The following PAG1 variants were observed in gnomAD, a reference collection of about 807,000 sequenced individuals.
PAG1 encodes phosphoprotein membrane anchor with glycosphingolipid microdomains 1.
A neutral mutation model predicts 31.7 loss-of-function variants in PAG1; 23 were observed. The observed-to-expected ratio is 0.73, with a 90% CI of 0.52 to 1.03. The LOEUF is 1.03. PAG1 is among the 50% of genes least tolerant of loss of function. The pLI, the probability that PAG1 is intolerant of heterozygous loss-of-function variation, is 0.00. For synonymous variants in PAG1, 214 were observed against 210.3 expected, an observed-to-expected ratio of 1.02 and a Z score of -0.15; for missense variants, 473 against 540.7, an observed-to-expected ratio of 0.87 and a Z score of 1.24.
At chr8:81,085,749 T>C (rs998450504) in intron 1 of PAG1, among the ~76,000 whole-genome samples, 1 of 152,160 alleles carries the variant, frequency 6.6e-6, no homozygotes, top group Admixed American at 6.5e-5. Flanking sequence ...CTAAAAATAA[T>C]GTTGAATAAA....
intron 1 of PAG1, among the ~76,000 whole-genome samples, chr8:81,107,242 T>C (rs1004400967): frequency 1.3e-5 from 2 of 152,216 alleles, no homozygotes; most frequent in African/African-American, 4.8e-5. Context: ...ATGGAGATGA[T>C]ATTTCCTGTG....
intron 2 of PAG1, among the ~76,000 whole-genome samples, chr8:81,063,662 G>C (rs573192779): frequency 1.3e-5 from 2 of 152,226 alleles, no homozygotes; most frequent in Non-Finnish European, 2.9e-5. Flanking sequence ...TAATGACCAG[G>C]TGTTTCACGA....
At chr8:81,041,015 G>A (rs1213114029) in intron 2 of PAG1, among the ~76,000 whole-genome samples, 3 of 152,164 alleles carry the variant, frequency 2.0e-5, no homozygotes, top group East Asian at 1.9e-4. Flanking sequence ...TAACATGGCC[G>A]CATCTTTGCA....
intron 1 of PAG1, among the ~76,000 whole-genome samples, chr8:81,080,600 A>G (rs997459472): frequency 3.3e-5 from 5 of 152,154 alleles, no homozygotes; most frequent in African/African-American, 9.7e-5. Context: ...TAAACATCCT[A>G]TATCTAACTC....
intron 2 of PAG1, among the ~76,000 whole-genome samples, chr8:81,055,914 T>G (rs1195596299): frequency 6.6e-6 from 1 of 152,236 alleles, no homozygotes; most frequent in East Asian, 1.9e-4. Context: ...CAGGGACAAT[T>G]TGACTTCCTC....
intron 2 of PAG1, among the ~76,000 whole-genome samples, chr8:81,034,654 C>A (rs1182113931): frequency 1.3e-5 from 2 of 152,162 alleles, no homozygotes; most frequent in Non-Finnish European, 2.9e-5. Context: ...TTCTGTGCTC[C>A]AGAGGCTTAG....
intron 1 of PAG1, among the ~76,000 whole-genome samples, chr8:81,104,758 C>T (rs977283531): frequency 1.3e-5 from 2 of 152,130 alleles, no homozygotes; most frequent in Non-Finnish European, 2.9e-5. Context: ...GGAGTTTAGA[C>T]TTTAAATCCA....
intron 3 of PAG1, among the ~76,000 whole-genome samples, chr8:81,025,169 T>C (rs762502226): frequency 3.1e-4 from 47 of 151,952 alleles, no homozygotes; most frequent in Non-Finnish European, 5.6e-4. Context: ...TTTTTTTACC[T>C]CTCCTTAAGA....
chr8:81,095,033 C>A (rs891948180), intron 1 of PAG1, among the ~76,000 whole-genome samples: 1 of 152,158 alleles, frequency 6.6e-6, no homozygotes, highest in African/African-American at 2.4e-5. Flanking sequence ...TCTTTAGACA[C>A]AATATTTCTC....
intron 2 of PAG1, among the ~76,000 whole-genome samples, chr8:81,030,350 G>A (rs1350711101): frequency 2.0e-5 from 3 of 152,176 alleles, no homozygotes; most frequent in Admixed American, 6.5e-5. Flanking sequence ...AGCCACGTAA[G>A]TGTCTAATCA....
chr8:81,106,824 C>T (rs547513683), intron 1 of PAG1, among the ~76,000 whole-genome samples: 4 of 152,166 alleles, frequency 2.6e-5, no homozygotes, highest in East Asian at 1.9e-4. Flanking sequence ...CAGACATGGA[C>T]GATTTGATGC....
intron 2 of PAG1, among the ~76,000 whole-genome samples, chr8:81,060,768 G>C (rs994513040): frequency 7.9e-5 from 12 of 152,248 alleles, no homozygotes; most frequent in African/African-American, 2.9e-4. Flanking sequence ...AAGTGTGAAA[G>C]ATGGTTGAAA....
Position 80,990,285 on chromosome 8 carries a change from T to C in PAG1, c.177+1194A>G, listed in dbSNP as rs1440231171. On this transcript the variant is annotated intron_variant, in intron 5 of 8. Transcript: ENST00000220597. The surrounding 1 kb of genome is among the most constrained non-coding windows in gnomAD (Gnocchi z 5.1). The stretch of plus-strand genomic sequence containing the variant: ...GGAACGGGGAGTCCTGACAACTTCC[T>C]GCCTGCTTGGGCCAGAGGAGTCCTG... Among the ~76,000 whole-genome samples, 1 of 152,082 alleles carries C rather than the reference T, an allele frequency of 6.6e-6. No individual in the cohort carries two copies. Among genetic ancestry groups the C allele is most frequent in the African/African-American group, 2.4e-5 (1 of 41,420 alleles).
chr8:81,074,190 C>A (rs945204283), intron 1 of PAG1, among the ~76,000 whole-genome samples: 1 of 152,090 alleles, frequency 6.6e-6, no homozygotes, highest in African/African-American at 2.4e-5. Context: ...GCACAGGGAC[C>A]CACTGAGACG....
At chr8:81,065,575 C>A (rs1019216434) in intron 2 of PAG1, among the ~76,000 whole-genome samples, 6 of 152,098 alleles carry the variant, frequency 3.9e-5, no homozygotes, top group African/African-American at 1.2e-4. Context: ...CCAGCCAGTT[C>A]TACTGTGCTA....
At chr8:80,989,438 A>G (rs1254077259) in intron 5 of PAG1, among the ~76,000 whole-genome samples, 3 of 152,138 alleles carry the variant, frequency 2.0e-5, no homozygotes, top group Non-Finnish European at 1.5e-5. Context: ...CAAGTTGTAT[A>G]AGATCTAGGA....
intron 3 of PAG1, among the ~76,000 whole-genome samples, chr8:80,998,821 T>C (rs1807733757): frequency 6.6e-6 from 1 of 152,212 alleles, no homozygotes; most frequent in South Asian, 2.1e-4. Flanking sequence ...TTTTTACAGC[T>C]GTTGCAGTTG....
chr8:81,025,682 T>C (rs566648921), intron 3 of PAG1, among the ~76,000 whole-genome samples: 1 of 152,304 alleles, frequency 6.6e-6, no homozygotes, highest in South Asian at 2.1e-4. Context: ...TGCTCGGGCG[T>C]TCCTCTGCAG....
chr8:81,026,298 A>C (rs1424442879), intron 3 of PAG1, among the ~76,000 whole-genome samples: 1 of 151,712 alleles, frequency 6.6e-6, no homozygotes, highest in Admixed American at 6.6e-5. Context: ...CAGTGAGCGC[A>C]GATAGCACCG....
Sources: gnomAD v4.1 joint callset for allele counts (sites outside exome capture counted in the v4.1 genomes callset) on GRCh38, gnomAD v4.1.1 for gene constraint, Gnocchi (gnomAD v3.1) non-coding constraint, MANE v1.5 for transcripts, NCBI Gene and HGNC (gene_info 2026-07-23, HGNC 2026-07-21) for gene names.